Variants in TTC39C observed in about 807,000 individuals in gnomAD.
TTC39C encodes tetratricopeptide repeat domain 39C.
TTC39C carries 33 observed loss-of-function variants against 76.3 expected under a neutral mutation model. That is an observed-to-expected ratio of 0.43 (90% CI 0.33 to 0.58). The LOEUF (loss-of-function observed/expected upper bound fraction) is 0.58. Among genes scored for constraint, TTC39C ranks in the 20% least tolerant of loss-of-function variants. The pLI, the probability that TTC39C is intolerant of heterozygous loss-of-function variation, is 0.04. For synonymous variants in TTC39C, 254 were observed against 260.6 expected (o/e 0.97, Z 0.24); for missense variants, 595 against 701.4 (o/e 0.85, Z 1.71).
intron 6 of TTC39C, among the ~76,000 whole-genome samples, chr18:24,103,564 C>G (rs2084705605): frequency 6.6e-6 from 1 of 152,230 alleles, no homozygotes; most frequent in South Asian, 2.1e-4. Context: ...GCATATATTT[C>G]AAGGTCAGCG....
intron 6 of TTC39C, among the ~76,000 whole-genome samples, chr18:24,085,590 C>T (rs2145766821): frequency 6.6e-6 from 1 of 152,304 alleles, no homozygotes; most frequent in East Asian, 1.9e-4. Context: ...ACAGCTTCAT[C>T]AAAGGATTCC....
At chr18:24,002,472 G>A (rs531377689) in intron 1 of TTC39C, among the ~76,000 whole-genome samples, 130 of 152,322 alleles carry the variant, frequency 8.5e-4, no homozygotes, top group African/African-American at 3.1e-3. Context: ...AAGGGCAGGT[G>A]GTGTTGGAAA....
At chr18:24,092,942 G>C (rs2084543516) in intron 6 of TTC39C, among the ~76,000 whole-genome samples, 1 of 152,180 alleles carries the variant, frequency 6.6e-6, no homozygotes, top group Admixed American at 6.5e-5. Context: ...TGGGCGCACA[G>C]CTGTAGTCCC....
chr18:24,082,997 T>C lies in TTC39C; in HGVS notation c.900T>C (p.Ala300=). 1 of 1,614,188 alleles carries C rather than the reference T, an allele frequency of 6.2e-7. No homozygotes were observed. Among genetic ancestry groups the C allele is most frequent in the Non-Finnish European group, 8.5e-7 (1 of 1,179,992 alleles). ...ATAACAAGGCAGGCCTGGATGAAGC[T>C]AAGGAAATTCTCCTTAAAAAAGAAG... ...GSDNKAGLDE[A]KEILLKKEAA... is the part of the protein sequence containing the mutation. Residue 300 remains alanine (A), a synonymous_variant, in exon 6 of 14, where the codon GCT becomes GCC. Transcript: ENST00000317571.
chr18:24,080,976 T>A (rs372890981), intron 5 of TTC39C, 37 bp downstream of exon 5: 11 of 1,535,358 alleles, frequency 7.2e-6, no homozygotes, highest in African/African-American at 4.2e-5. Flanking sequence ...GTAGATAATA[T>A]AGTGTTGAAA....
intron 2 of TTC39C, among the ~76,000 whole-genome samples, chr18:24,065,517 T>C (rs1375862580): frequency 6.6e-6 from 1 of 152,188 alleles, no homozygotes. Context: ...ATAGACAATA[T>C]AAAATGAATT....
rs71373362 is a variant in TTC39C at position 24,099,005 on chromosome 18, A to ATGTGTGTGTGTGTG, written c.985-15531_985-15518dup. ...TTTTATTTGCTAATAAGTTAGAGGAATGTGTGTGTGTGTGTGTGTGTGTGT... is the reference window on the plus strand; with the variant it reads ...TTTTATTTGCTAATAAGTTAGAGGAATGTGTGTGTGTGTGTGTGTGTGTGTGTGTGTGTGTGTGT... On this transcript the variant is annotated intron_variant, in intron 6 of 13. Coordinates refer to ENST00000317571, the MANE Select transcript of TTC39C (RefSeq NM_001135993.2). 8.3e-3 allele frequency among the ~76,000 whole-genome samples: 1,078 copies of ATGTGTGTGTGTGTG among 130,610 alleles called. 10 individuals are homozygous for ATGTGTGTGTGTGTG. Among genetic ancestry groups the ATGTGTGTGTGTGTG allele is most frequent in the Middle Eastern group, 0.058 (15 of 258 alleles). 85.7% of individuals were successfully genotyped at this position (130,610 alleles called of 152,430 possible). A position where few individuals can be genotyped will look rare whatever the true frequency, so the allele number is the denominator to read the frequency against.
At chr18:24,045,902 TA>T (rs1568417250) in intron 1 of TTC39C, among the ~76,000 whole-genome samples, 4 of 38,542 alleles carry the variant, frequency 1.0e-4, no homozygotes, top group African/African-American at 1.5e-4. Flanking sequence ...AATATATATA[TA>T]TATATATATA....
In TTC39C at chr18:24,019,051, C is replaced by T. The variant is rs375730821; in HGVS notation, c.167+4013C>T. Among the ~76,000 whole-genome samples the T allele has an allele frequency of 6.7e-4, 102 of 152,324 alleles. 2 individuals carry two copies. The South Asian group carries it at 0.02, about 30-fold the overall frequency. ...GCTCCTTGGGACTTCAGGATCCTAA[C>T]GTCACCACCTTTTTTCTCTTTATGG... On this transcript the variant is annotated intron_variant, in intron 1 of 13. Coordinates refer to ENST00000317571, the MANE Select transcript of TTC39C (RefSeq NM_001135993.2).
upstream of TTC39C, among the ~76,000 whole-genome samples, chr18:24,009,914 C>T (rs187278596): frequency 1.6e-3 from 251 of 152,352 alleles, 1 homozygote; most frequent in Non-Finnish European, 3.1e-4. Context: ...CCCAGGGCAG[C>T]CATGAGTGTC....
At chr18:24,113,090 C>T (rs1261689662) in intron 6 of TTC39C, among the ~76,000 whole-genome samples, 1 of 152,094 alleles carries the variant, frequency 6.6e-6, no homozygotes, top group Non-Finnish European at 1.5e-5. Flanking sequence ...TTACTGAGAA[C>T]AGGAATCAGG....
chr18:24,114,611 C>T lies in TTC39C; in HGVS notation c.1042C>T (p.Gln348Ter). 6.2e-7 allele frequency: 1 copy of T among 1,613,806 alleles called. No homozygotes were observed. The highest frequency in any genetic ancestry group is 8.5e-7 in the Non-Finnish European group (1 of 1,179,908). Residue 348 changes from glutamine (Q) to a stop codon, truncating the protein, a stop_gained, in exon 7 of 14, where the codon CAG becomes TAG. Coordinates refer to ENST00000317571, the MANE Select transcript of TTC39C (RefSeq NM_001135993.2). LOFTEE classifies it high-confidence loss of function. The stretch of plus-strand genomic sequence containing the variant: ...CACTGCTTTGGAACTTGCAGTAGAC[C>T]AGAGAGAAATTCAACATGTCTGTCT... ...FHTALELAVD[Q>*]REIQHVCLYE...
intron 4 of TTC39C, among the ~76,000 whole-genome samples, chr18:24,072,759 T>C (rs1294548583): frequency 6.6e-6 from 1 of 152,290 alleles, no homozygotes; most frequent in Non-Finnish European, 1.5e-5. Context: ...TTGTGATAAA[T>C]TATTTTTAAA....
chr18:24,007,374 T>G (rs2083362242), intron 1 of TTC39C, among the ~76,000 whole-genome samples: 1 of 105,888 alleles, frequency 9.4e-6, no homozygotes, highest in African/African-American at 2.6e-5. Context: ...ATGTAGATAT[T>G]TTTACTATCT....
intron 10 of TTC39C, among the ~76,000 whole-genome samples, chr18:24,125,946 G>C (rs1228857818): frequency 6.6e-6 from 1 of 152,190 alleles, no homozygotes; most frequent in Non-Finnish European, 1.5e-5. Context: ...CCAGCACTTT[G>C]AAAGGCTGAG....
At chr18:23,996,872 G>C (rs574567317) in intron 1 of TTC39C, among the ~76,000 whole-genome samples, 3 of 152,280 alleles carry the variant, frequency 2.0e-5, no homozygotes, top group South Asian at 2.1e-4. Context: ...CACTTTGGGA[G>C]GCCAAGGTGG....
chr18:23,995,561 G>A (rs773230254), intron 1 of TTC39C, among the ~76,000 whole-genome samples: 17 of 152,148 alleles, frequency 1.1e-4, no homozygotes, highest in Admixed American at 3.3e-4. Context: ...CATCTAGGTC[G>A]TATGAGTCAA....
chr18:24,123,807 A>G (rs1450869098), intron 8 of TTC39C, 27 bp from the exon 9 acceptor site: 1 of 1,557,274 alleles, frequency 6.4e-7, no homozygotes, highest in Non-Finnish European at 8.8e-7. Context: ...ACTTGTACTT[A>G]AGAAATATAA....
intron 6 of TTC39C, chr18:24,113,819 C>T: frequency 1.5e-6 from 1 of 648,174 alleles, no homozygotes; most frequent in Non-Finnish European, 2.8e-6. Context: ...ATGTATTTCA[C>T]TGGGAGTAAG....
Sources: gnomAD v4.1 joint callset for allele counts (sites outside exome capture counted in the v4.1 genomes callset) on GRCh38, gnomAD v4.1.1 for gene constraint, MANE v1.5 for transcripts, NCBI Gene and HGNC (gene_info 2026-07-23, HGNC 2026-07-21) for gene names.